Variants in DHDH observed in about 807,000 individuals in gnomAD.
DHDH encodes the protein trans-1,2-dihydrobenzene-1,2-diol dehydrogenase.
DHDH carries 29 observed loss-of-function variants against 33.2 expected under a neutral mutation model. The observed-to-expected ratio is 0.87, with a 90% confidence interval of 0.65 to 1.19. DHDH has a LOEUF of 1.19. Among genes scored for constraint, DHDH ranks in the 50% most tolerant of loss-of-function variants. The pLI, the probability that DHDH is intolerant of heterozygous loss-of-function variation, is 0.00. For missense variants in DHDH, 431 were observed against 455.0 expected (o/e 0.95, Z 0.48); for synonymous variants, 201 against 187.9 (o/e 1.07, Z -0.57).
intron 1 of DHDH, among the ~76,000 whole-genome samples, chr19:48,934,232 A>G (rs2037741497): frequency 6.6e-6 from 1 of 152,184 alleles, no homozygotes; most frequent in Non-Finnish European, 1.5e-5. Context: ...GCCATTCTCC[A>G]TTCTCTATTA....
chr19:48,938,407 G>A (rs2037810233), intron 3 of DHDH, among the ~76,000 whole-genome samples: 1 of 151,968 alleles, frequency 6.6e-6, no homozygotes, highest in African/African-American at 2.4e-5. Flanking sequence ...CCCAGTTCCA[G>A]GAGTTTTTTT....
chr19:48,943,961 C>T (rs1355417354), intron 5 of DHDH, among the ~76,000 whole-genome samples: 2 of 150,830 alleles, frequency 1.3e-5, no homozygotes, highest in African/African-American at 4.8e-5. Context: ...ATCCACTGCA[C>T]TCCAGCCTGG....
rs770108225 is a variant in DHDH, at chr19:48,935,032, T to C, written c.123T>C (p.Arg41=). 2 of 1,587,142 alleles carry C rather than the reference T, an allele frequency of 1.3e-6. No homozygotes were observed. The highest frequency in any genetic ancestry group is 2.3e-5 in the East Asian group (1 of 43,662). ...VVAVAARDLS[R]AKEFAQKHDI... is the part of the protein sequence containing the mutation. ...CGGTGGCGGCCCGCGATCTGAGCCG[T>C]GCGAAGGAGTTTGCACAGAAACACG... Residue 41 remains arginine, a synonymous_variant, in exon 2 of 7, where the codon CGT becomes CGC. Transcript: ENST00000221403.
At chr19:48,936,293 G>C in intron 3 of DHDH, 98 bp downstream of exon 3, 1 of 1,408,408 alleles carries the variant, frequency 7.1e-7, no homozygotes, top group Non-Finnish European at 9.3e-7. Context: ...TTGCCAGGAT[G>C]TATCTGAATC....
Position 48,944,811 on chromosome 19 carries a change from ACT to A in DHDH, c.896-9_896-8del, listed in dbSNP as rs1482631885. 2.5e-6 allele frequency: 4 copies of A among 1,610,366 alleles called. No individual in the cohort carries two copies. The Admixed American group carries it at 5.0e-5, about 20-fold the overall frequency. On this transcript the variant is annotated splice_polypyrimidine_tract_variant and intron_variant, in intron 6 of 6. Transcript: ENST00000221403. ...GTGGGTAGGAGGGGTCCCTAACTAC[ACT>A]CTCCCCACAGGTATGAAGGAAAGTC...
intron 1 of DHDH, 72 bp downstream of exon 1, chr19:48,933,883 GT>G: frequency 6.9e-7 from 1 of 1,458,204 alleles, no homozygotes; most frequent in Non-Finnish European, 9.4e-7. Context: ...GGAGGAGGGA[GT>G]TTAGGGTTCA....
At position 48,944,496 on chromosome 19, in the gene DHDH, G is replaced by A. The variant is rs765892707; in HGVS notation, c.884G>A (p.Cys295Tyr). The A allele has an allele frequency of 8.1e-6, 13 of 1,604,298 alleles. No individual in the cohort carries two copies. In the East Asian group the frequency reaches 2.2e-4, roughly 28 times the overall value. The part of the protein sequence containing the change: ...MSYEAKHVWE[C>Y]LRKGMKESPV... ...TATGAGGCCAAGCACGTCTGGGAGT[G>A]CCTACGCAAGGGTAAGGATATGGAT... The change falls in exon 6 of 7, where the codon TGC (cysteine) becomes TAC (tyrosine). Residue 295 changes from cysteine to tyrosine, a missense_variant. By Grantham distance (194) the Cys-to-Tyr change is radical (BLOSUM62 -2). Coordinates refer to ENST00000221403, the MANE Select transcript of DHDH (RefSeq NM_014475.4).
At chr19:48,937,248 C>G (rs1436865339) in intron 3 of DHDH, among the ~76,000 whole-genome samples, 1 of 152,188 alleles carries the variant, frequency 6.6e-6, no homozygotes, top group Non-Finnish European at 1.5e-5. Context: ...AGCCTGCCCC[C>G]GGCTCCCCAG....
At chr19:48,944,746 A>G in intron 6 of DHDH, 78 bp from the exon 7 acceptor site, 1 of 1,374,172 alleles carries the variant, frequency 7.3e-7, no homozygotes, top group Non-Finnish European at 1.0e-6. Context: ...ATTGTGCCAC[A>G]TGGAATTCTG....
intron 3 of DHDH, among the ~76,000 whole-genome samples, chr19:48,937,138 A>G (rs920655028): frequency 5.4e-5 from 8 of 148,980 alleles, no homozygotes; most frequent in African/African-American, 1.8e-4. Flanking sequence ...TAGCCTTGTA[A>G]AGTCACACAT....
chr19:48,941,722 T>C (rs2037864032), intron 4 of DHDH, among the ~76,000 whole-genome samples: 1 of 149,872 alleles, frequency 6.7e-6, no homozygotes, highest in South Asian at 2.1e-4. Context: ...TCACTTAGGC[T>C]GAGTGCAGTG....
intron 5 of DHDH, 31 bp from the exon 6 acceptor site, chr19:48,944,325 AG>A: frequency 6.2e-7 from 1 of 1,612,678 alleles, no homozygotes; most frequent in African/African-American, 1.3e-5. Context: ...CCGTTGGTGA[AG>A]GCAGCAGTGC....
Position 48,939,591 on chromosome 19 carries a change from C to T in DHDH, c.509C>T (p.Ala170Val), listed in dbSNP as rs1568597267. Reference sequence around the variant, plus strand: ...CCCCGGGCCGTAGACCGGGCCCAGGCTGGGGGGGCCCTGCTGGACATCGGC... The same window carrying T: ...CCCCGGGCCGTAGACCGGGCCCAGGTTGGGGGGGCCCTGCTGGACATCGGC... Reference protein sequence around the residue: ...HVPRAVDRAQAGGALLDIGIY... With the variant: ...HVPRAVDRAQVGGALLDIGIY... The change falls in exon 4 of 7, where the codon GCT becomes GTT. Residue 170 changes from alanine to valine, a missense_variant. Physicochemically the swap from Ala to Val is moderately conservative, Grantham distance 64. Coordinates refer to ENST00000221403, the MANE Select transcript of DHDH (RefSeq NM_014475.4). 6.2e-7 allele frequency: 1 copy of T among 1,607,052 alleles called. No homozygotes were observed. Among genetic ancestry groups the T allele is most frequent in the Admixed American group, 1.7e-5 (1 of 59,226 alleles).
Position 48,944,918 on chromosome 19 carries a change from C to T in DHDH, c.990C>T (p.Pro330=), listed in dbSNP as rs375813587. ...EVRKAIGVTF[P]QDKR ...GGAAGGCCATTGGAGTCACCTTCCC[C>T]CAAGACAAACGCTGATGTATCCCCG... The change falls in exon 7 of 7, where the codon CCC becomes CCT. Residue 330 remains proline, a synonymous_variant. Transcript: ENST00000221403. The T allele has an allele frequency of 8.7e-5, 140 of 1,613,884 alleles. No homozygotes were observed. Among genetic ancestry groups the T allele is most frequent in the Non-Finnish European group, 1.1e-4 (130 of 1,179,962 alleles).
chr19:48,944,083 T>C (rs961027407), intron 5 of DHDH, among the ~76,000 whole-genome samples: 1 of 152,128 alleles, frequency 6.6e-6, no homozygotes. Context: ...CTCTAGACCT[T>C]AAGAACACCT....
At chr19:48,938,414 T>G (rs1170841034) in intron 3 of DHDH, among the ~76,000 whole-genome samples, 3 of 152,182 alleles carry the variant, frequency 2.0e-5, no homozygotes, top group African/African-American at 7.2e-5. Flanking sequence ...CCAGGAGTTT[T>G]TTTTTGTTGT....
intron 1 of DHDH, among the ~76,000 whole-genome samples, chr19:48,934,227 TC>T (rs1160265339): frequency 6.6e-6 from 1 of 152,200 alleles, no homozygotes; most frequent in Non-Finnish European, 1.5e-5. Context: ...TCATCGCCAT[TC>T]TCCATTCTCT....
At chr19:48,942,783 G>A (rs577418391) in intron 5 of DHDH, among the ~76,000 whole-genome samples, 3 of 152,180 alleles carry the variant, frequency 2.0e-5, no homozygotes, top group African/African-American at 4.8e-5. Context: ...TGGCTGGCAC[G>A]GTGGCTCACG....
At chr19:48,935,765 C>T (rs1278705423) in intron 2 of DHDH, among the ~76,000 whole-genome samples, 1 of 151,492 alleles carries the variant, frequency 6.6e-6, no homozygotes, top group African/African-American at 2.4e-5. Context: ...TGCAGTGAGC[C>T]GAGATCGCGC....
Sources: allele counts gnomAD v4.1 joint callset (sites outside exome capture counted in the v4.1 genomes callset), GRCh38; gene constraint gnomAD v4.1.1; transcripts MANE v1.5; gene names NCBI Gene and HGNC (gene_info 2026-07-23, HGNC 2026-07-21).